The following PRSS23 variants were observed in gnomAD, a reference collection of about 807,000 sequenced individuals.
The protein encoded by PRSS23 is protease, serine 23.
In PRSS23, 25 loss-of-function variants were observed where a neutral mutation model predicts 34.7. The ratio of observed to expected loss-of-function variants is 0.72; its 90% CI spans 0.53 to 1.01. PRSS23 has a LOEUF of 1.01. Among genes scored for constraint, PRSS23 ranks in the 50% least tolerant of loss-of-function variants. PRSS23 has a pLI of 0.00. For synonymous variants in PRSS23, 176 were observed against 186.6 expected (o/e 0.94, Z 0.46); for missense variants, 445 against 475.6 (o/e 0.94, Z 0.60).
chr11:86,832,944 C>T, intron 2 of PRSS23: 1 of 362,792 alleles, frequency 2.8e-6, no homozygotes. Flanking sequence ...ATTTCCACAT[C>T]CTTGATGCAG....
chr11:86,830,306 T>C (rs1025294631), intron 2 of PRSS23, among the ~76,000 whole-genome samples: 3 of 152,208 alleles, frequency 2.0e-5, no homozygotes, highest in African/African-American at 7.2e-5. Context: ...AGGTGCGGGA[T>C]ATAATCTCCT....
rs1408821449 is a variant in PRSS23 at position 86,808,250 on chromosome 11, G to A, written c.607G>A (p.Gly203Ser). Residue 203 changes from glycine (G) to serine (S), a missense_variant, in exon 2 of 2, where the codon GGT becomes AGT. Physicochemically the swap from Gly to Ser is moderately conservative, Grantham distance 56. Transcript: ENST00000280258. ...CCTAAAGCCCAAGTTTAAAGATGGT[G>A]GTCGAGGGGCCAACGACTCCACTTC... ...GFLKPKFKDG[G>S]RGANDSTSAM... is the part of the protein sequence containing the mutation. The A allele has an allele frequency of 6.2e-7, 1 of 1,614,120 alleles. No individual in the cohort carries two copies. The highest frequency in any genetic ancestry group is 8.5e-7 in the Non-Finnish European group (1 of 1,180,036).
At chr11:86,923,861 C>CT (rs1428784016) in intron 2 of PRSS23, among the ~76,000 whole-genome samples, 2 of 152,164 alleles carry the variant, frequency 1.3e-5, no homozygotes, top group African/African-American at 4.8e-5. Context: ...TTCTCCAGTT[C>CT]TTTGTAAGAA....
intron 2 of PRSS23, among the ~76,000 whole-genome samples, chr11:86,842,501 A>G (rs1230886874): frequency 1.3e-5 from 2 of 152,204 alleles, no homozygotes; most frequent in Admixed American, 1.3e-4. Context: ...TTCTGTTTGC[A>G]GACGACATGA....
intron 2 of PRSS23, among the ~76,000 whole-genome samples, chr11:86,942,152 G>A (rs990302053): frequency 6.6e-6 from 1 of 152,154 alleles, no homozygotes; most frequent in Admixed American, 6.5e-5. Context: ...ATGCACAGAG[G>A]CTTAAACCTA....
chr11:86,938,539 A>AG (rs1949179598), intron 2 of PRSS23, among the ~76,000 whole-genome samples: 1 of 152,178 alleles, frequency 6.6e-6, no homozygotes, highest in Admixed American at 6.5e-5. Flanking sequence ...GCTAGAGCAT[A>AG]GGGTGTGTCT....
chr11:86,887,433 C>T (rs61485375), intron 2 of PRSS23, among the ~76,000 whole-genome samples: 1 of 150,510 alleles, frequency 6.6e-6, no homozygotes, highest in Non-Finnish European at 1.5e-5. Context: ...AAAACAGAAG[C>T]ATGAACGTCC....
At chr11:86,851,225 C>A (rs1372713641) in intron 2 of PRSS23, among the ~76,000 whole-genome samples, 1 of 152,194 alleles carries the variant, frequency 6.6e-6, no homozygotes, top group Non-Finnish European at 1.5e-5. Flanking sequence ...CATTTTGAAA[C>A]AGTTTCCAGC....
In PRSS23 at chr11:86,821,359, T is replaced by C. The variant is rs111445727; in HGVS notation, c.-11-2018T>C. The C allele has an allele frequency of 2.5e-3, 2,175 of 876,396 alleles. 32 individuals are homozygous for C. The African/African-American group carries it at 0.032, about 13-fold the overall frequency. 54.3% of individuals were successfully genotyped at this position (876,396 alleles called of 1,614,324 possible). On this transcript the variant is annotated intron_variant, in intron 1 of 2. Transcript: ENST00000533902. ...TGTAACTCCTAAGGTATAGTGATCC[T>C]AGTTTTGCTACGGATTACTTCTTTA... is the stretch of plus-strand genomic sequence containing the variant.
intron 2 of PRSS23, among the ~76,000 whole-genome samples, chr11:86,849,447 A>G (rs1052661900): frequency 6.6e-6 from 1 of 152,186 alleles, no homozygotes; most frequent in African/African-American, 2.4e-5. Flanking sequence ...ATCAACTCTG[A>G]AGTCTGGGCC....
chr11:86,810,558 C>G lies in PRSS23; in HGVS notation c.*1763C>G, dbSNP rs1475689934. ...TGAGGAAGAAGGGAGGTCTCCATTT[C>G]TATGTCTGGTATTTGGGGGTTTTGT... is the stretch of plus-strand genomic sequence containing the variant. On this transcript the variant is annotated 3_prime_UTR_variant, in exon 2 of 2. Transcript: ENST00000280258. 1 of 167,012 alleles carries G rather than the reference C, an allele frequency of 6.0e-6. No homozygotes were observed. The highest frequency in any genetic ancestry group is 1.5e-5 in the Non-Finnish European group (1 of 68,106). The allele number at this position is 167,012 out of a possible 1,614,324, so 10.3% of individuals were successfully genotyped here. A position where few individuals can be genotyped will look rare whatever the true frequency, so the allele number is the denominator to read the frequency against.
At chr11:86,920,026 C>T (rs921384855) in intron 2 of PRSS23, among the ~76,000 whole-genome samples, 13 of 152,154 alleles carry the variant, frequency 8.5e-5, no homozygotes, top group Admixed American at 5.2e-4. Context: ...GCGTGAAGGC[C>T]TGTGCTTCTG....
At chr11:86,841,379 G>A (rs1948447195) in intron 2 of PRSS23, among the ~76,000 whole-genome samples, 1 of 146,522 alleles carries the variant, frequency 6.8e-6, no homozygotes, top group Non-Finnish European at 1.5e-5. Flanking sequence ...AAAGAACAAG[G>A]ACTAGGGAAG....
At chr11:86,800,415 A>G (rs1224640903), upstream of PRSS23, 5 of 977,022 alleles carry the variant, frequency 5.1e-6, no homozygotes, top group African/African-American at 8.8e-5. Flanking sequence ...GGAGGGGGGC[A>G]CGGTTTATGT....
intron 2 of PRSS23, among the ~76,000 whole-genome samples, chr11:86,853,242 CT>C (rs561682096): frequency 3.6e-4 from 17 of 47,790 alleles, no homozygotes; most frequent in Non-Finnish European, 4.9e-4. Context: ...AAGTGCCTGC[CT>C]TTTTTTTTTT....
At chr11:86,891,682 C>G (rs1235456552) in intron 2 of PRSS23, among the ~76,000 whole-genome samples, 2 of 152,148 alleles carry the variant, frequency 1.3e-5, no homozygotes, top group Non-Finnish European at 2.9e-5. Flanking sequence ...TGTCCCCATC[C>G]AAAATCTCAT....
At chr11:86,906,200 G>A (rs903425681) in intron 2 of PRSS23, among the ~76,000 whole-genome samples, 12 of 152,224 alleles carry the variant, frequency 7.9e-5, no homozygotes, top group Non-Finnish European at 1.5e-4. Context: ...AATATTGTCT[G>A]CCAGTCAGAA....
intron 2 of PRSS23, among the ~76,000 whole-genome samples, chr11:86,830,308 T>C (rs1324640555): frequency 2.6e-5 from 4 of 152,194 alleles, no homozygotes; most frequent in Admixed American, 2.6e-4. Context: ...GTGCGGGATA[T>C]AATCTCCTTG....
chr11:86,934,177 T>C (rs952288939), intron 2 of PRSS23: 1 of 152,206 alleles, frequency 6.6e-6, no homozygotes. Flanking sequence ...CAAATCATCA[T>C]GAGAGCCAAA....
Sources: allele counts gnomAD v4.1 joint callset (sites outside exome capture counted in the v4.1 genomes callset), GRCh38; gene constraint gnomAD v4.1.1; transcripts MANE v1.5; gene names NCBI Gene and HGNC (gene_info 2026-07-23, HGNC 2026-07-21).